CADM2: variants seen among roughly 807,000 people sequenced by gnomAD.
The protein encoded by CADM2 is immunoglobulin superfamily member 4D.
CADM2 carries 12 observed loss-of-function variants against 49.8 expected under a neutral mutation model. That is an observed-to-expected ratio of 0.24 (90% confidence interval 0.15 to 0.39). The LOEUF (loss-of-function observed/expected upper bound fraction) is 0.39. Among genes scored for constraint, CADM2 ranks in the 10% least tolerant of loss-of-function variants. The probability of loss-of-function intolerance (pLI) is 1.00; values close to 1 mark genes in which losing one functional copy is unlikely to be tolerated. For synonymous variants in CADM2, 214 were observed against 175.4 expected, an observed-to-expected ratio of 1.22 and a Z score of -1.74; for missense variants, 378 against 492.3, an observed-to-expected ratio of 0.77 and a Z score of 2.20.
At chr3:85,196,552 G>T (rs2041347592) in intron 1 of CADM2, among the ~76,000 whole-genome samples, 1 of 151,858 alleles carries the variant, frequency 6.6e-6, no homozygotes, top group South Asian at 2.1e-4. Flanking sequence ...TTATAAAGAG[G>T]TTTATAGGTT....
chr3:85,735,919 A>G (rs943755345), intron 2 of CADM2, among the ~76,000 whole-genome samples: 1 of 152,176 alleles, frequency 6.6e-6, no homozygotes. Context: ...GGGTTAATAA[A>G]TGTGAAATTT....
intron 1 of CADM2, among the ~76,000 whole-genome samples, chr3:85,578,160 C>A (rs2062698248): frequency 6.6e-6 from 1 of 152,072 alleles, no homozygotes; most frequent in African/African-American, 2.4e-5. Flanking sequence ...CGGCTCACTG[C>A]AACCTCCACC....
At chr3:85,127,423 C>T (rs939955316) in intron 1 of CADM2, among the ~76,000 whole-genome samples, 4 of 152,120 alleles carry the variant, frequency 2.6e-5, no homozygotes, top group Admixed American at 1.3e-4. Context: ...TGTGGGCTTT[C>T]GTAAAGGGCC....
chr3:85,353,251 G>T (rs1023911107), intron 1 of CADM2, among the ~76,000 whole-genome samples: 3 of 152,000 alleles, frequency 2.0e-5, no homozygotes, highest in African/African-American at 7.2e-5. Flanking sequence ...AGAGAAACAC[G>T]CAGCAGGAAT....
intron 1 of CADM2, among the ~76,000 whole-genome samples, chr3:85,244,371 C>T (rs547224063): frequency 2.6e-5 from 4 of 152,180 alleles, no homozygotes; most frequent in South Asian, 2.1e-4. Flanking sequence ...ATTGAACATC[C>T]GCAGACTCAA....
At chr3:85,234,597 A>G (rs543623482) in intron 1 of CADM2, among the ~76,000 whole-genome samples, 2 of 152,306 alleles carry the variant, frequency 1.3e-5, no homozygotes, top group South Asian at 2.1e-4. Context: ...CAACTGCTGT[A>G]TATCAAGAAT....
At chr3:85,608,348 G>A (rs1344624491) in intron 1 of CADM2, among the ~76,000 whole-genome samples, 3 of 152,142 alleles carry the variant, frequency 2.0e-5, no homozygotes, top group East Asian at 1.9e-4. Flanking sequence ...TTTGTAAAAA[G>A]CATCACTCCT....
chr3:86,050,499 C>G (rs115481255), intron 8 of CADM2, among the ~76,000 whole-genome samples: 5,221 of 152,260 alleles, frequency 0.034, 178 homozygotes, highest in African/African-American at 0.084. Flanking sequence ...AGTGGGGACT[C>G]TGTGTGGGGA....
chr3:85,148,987 CAA>C (rs1489052426), intron 1 of CADM2, among the ~76,000 whole-genome samples: 1 of 151,864 alleles, frequency 6.6e-6, no homozygotes, highest in African/African-American at 2.4e-5. Context: ...GTTCAAGAGA[CAA>C]ATGTATTTTC....
At chr3:85,284,645 G>C (rs980731261) in intron 1 of CADM2, among the ~76,000 whole-genome samples, 3 of 152,106 alleles carry the variant, frequency 2.0e-5, no homozygotes, top group African/African-American at 7.2e-5. Context: ...ACTTGAGACA[G>C]GATTCTGCCT....
intron 1 of CADM2, among the ~76,000 whole-genome samples, chr3:85,700,543 G>C (rs1048009969): frequency 2.0e-5 from 3 of 152,120 alleles, no homozygotes; most frequent in Non-Finnish European, 4.4e-5. Flanking sequence ...ATACATATGA[G>C]CATAAGGTAT....
Position 85,923,935 on chromosome 3 carries a change from T to A in CADM2, c.700+11392T>A, listed in dbSNP as rs575138604. On this transcript the variant is annotated intron_variant, in intron 6 of 9. Coordinates refer to ENST00000383699, the MANE Select transcript of CADM2 (RefSeq NM_001167675.2). ...CTGTGTGGACATTCCCACTCTTAAA[T>A]CATTTGTATATATATCCATTTTATT... Among the ~76,000 whole-genome samples, 9 of 152,318 alleles carry A rather than the reference T, an allele frequency of 5.9e-5. 1 individual carries two copies. The highest frequency in any genetic ancestry group is 2.2e-4 in the African/African-American group (9 of 41,592).
chr3:86,009,596 A>G (rs922906965), intron 8 of CADM2, among the ~76,000 whole-genome samples: 6 of 151,838 alleles, frequency 4.0e-5, no homozygotes, highest in Non-Finnish European at 8.8e-5. Context: ...TATCTTATGA[A>G]CTAGTTGACA....
chr3:85,290,052 GC>G (rs2043741888), intron 1 of CADM2, among the ~76,000 whole-genome samples: 2 of 152,264 alleles, frequency 1.3e-5, no homozygotes, highest in Admixed American at 6.5e-5. Context: ...ACTAGGGAGT[GC>G]CAGACAGTGG....
At chr3:85,736,465 G>A (rs1275927951) in intron 2 of CADM2, among the ~76,000 whole-genome samples, 1 of 152,118 alleles carries the variant, frequency 6.6e-6, no homozygotes, top group Non-Finnish European at 1.5e-5. Context: ...AGCATTAACT[G>A]GGCAACAGAG....
chr3:85,184,693 A>G (rs1177944825), intron 1 of CADM2, among the ~76,000 whole-genome samples: 1 of 152,096 alleles, frequency 6.6e-6, no homozygotes. Flanking sequence ...CACCTAAATA[A>G]GTTAGCTGAA....
At chr3:85,264,531 C>A (rs1166997509) in intron 1 of CADM2, among the ~76,000 whole-genome samples, 3 of 151,954 alleles carry the variant, frequency 2.0e-5, no homozygotes, top group African/African-American at 4.8e-5. Context: ...ACTGTTTTTG[C>A]TTGACTTCTG....
intron 1 of CADM2, among the ~76,000 whole-genome samples, chr3:85,587,793 G>GCTCT (rs2062986471): frequency 6.6e-6 from 1 of 151,856 alleles, no homozygotes; most frequent in African/African-American, 2.4e-5. Flanking sequence ...CACCCAGGCT[G>GCTCT]GAGTGCAGTG....
intron 6 of CADM2, 47 bp from the exon 7 acceptor site, chr3:85,935,720 G>T: frequency 9.9e-7 from 1 of 1,014,772 alleles, no homozygotes. Context: ...TAAATATCTA[G>T]TTTTGTATGT....
Sources: gnomAD v4.1 joint callset for allele counts (sites outside exome capture counted in the v4.1 genomes callset) on GRCh38, gnomAD v4.1.1 for gene constraint, MANE v1.5 for transcripts, NCBI Gene and HGNC (gene_info 2026-07-23, HGNC 2026-07-21) for gene names.